The following WFDC9 variants were observed in gnomAD, a reference collection of about 807,000 sequenced individuals.
The protein encoded by WFDC9 is protein WFDC9.
In WFDC9, 9 loss-of-function variants were observed where a neutral mutation model predicts 9.5. The ratio of observed to expected loss-of-function variants is 0.95; its 90% confidence interval spans 0.57 to 1.65. The LOEUF (loss-of-function observed/expected upper bound fraction) is 1.65, where lower values mean the gene tolerates loss of function less well. Among genes scored for constraint, WFDC9 ranks in the 40% most tolerant of loss-of-function variants. The pLI, the probability that WFDC9 is intolerant of heterozygous loss-of-function variation, is 0.00. For missense variants in WFDC9, 87 were observed against 106.7 expected, an observed-to-expected ratio of 0.82 and a Z score of 0.81; for synonymous variants, 33 against 32.3, an observed-to-expected ratio of 1.02 and a Z score of -0.07.
At chr20:45,611,766 G>A (rs934641395) in intron 2 of WFDC9, among the ~76,000 whole-genome samples, 8 of 152,110 alleles carry the variant, frequency 5.3e-5, no homozygotes, top group Admixed American at 2.0e-4. Context: ...CCAGGCTTTG[G>A]ATAATTGCCG....
At chr20:45,624,205 AT>A (rs1322133972) in intron 1 of WFDC9, among the ~76,000 whole-genome samples, 3 of 151,996 alleles carry the variant, frequency 2.0e-5, no homozygotes, top group East Asian at 1.9e-4. Flanking sequence ...AAACAAAAAA[AT>A]CTCTCCCTAT....
intron 1 of WFDC9, among the ~76,000 whole-genome samples, chr20:45,617,842 A>T (rs1455198508): frequency 6.6e-6 from 1 of 152,214 alleles, no homozygotes; most frequent in Non-Finnish European, 1.5e-5. Flanking sequence ...TTTGATTAAC[A>T]CATATTTTGT....
At chr20:45,608,909 A>G (rs1981792376) in intron 3 of WFDC9, 99 bp from the exon 4 acceptor site, 3 of 1,314,758 alleles carry the variant, frequency 2.3e-6, no homozygotes, top group East Asian at 2.6e-5. Flanking sequence ...GCTCCAAGCC[A>G]CAAAGTATTT....
chr20:45,622,893 T>C (rs554149873), intron 1 of WFDC9, among the ~76,000 whole-genome samples: 1 of 152,330 alleles, frequency 6.6e-6, no homozygotes, highest in African/African-American at 2.4e-5. Context: ...AAAGGAAGCA[T>C]AGGTTTGTTA....
chr20:45,609,207 C>A (rs1394262851), intron 3 of WFDC9, among the ~76,000 whole-genome samples: 1 of 143,408 alleles, frequency 7.0e-6, no homozygotes, highest in Non-Finnish European at 1.5e-5. Context: ...TTCCCCTTCT[C>A]TTTTTTTTTT....
At chr20:45,610,288 G>T in intron 2 of WFDC9, 49 bp from the exon 3 acceptor site, 1 of 903,416 alleles carries the variant, frequency 1.1e-6, no homozygotes, top group South Asian at 1.6e-5. Flanking sequence ...AGCAACAGGG[G>T]TAAAGTGCTT....
chr20:45,620,029 A>G (rs189893426), intron 1 of WFDC9, among the ~76,000 whole-genome samples: 6 of 152,246 alleles, frequency 3.9e-5, no homozygotes, highest in African/African-American at 1.2e-4. Flanking sequence ...CTGTCTCAAC[A>G]AAAAAGAAAA....
At chr20:45,630,991 T>A (rs760603577) in intron 1 of WFDC9, 1 of 1,603,340 alleles carries the variant, frequency 6.2e-7, no homozygotes, top group Non-Finnish European at 8.5e-7. Context: ...CTACCTACTG[T>A]GGGAATGTTT....
At chr20:45,624,155 G>T (rs971957081) in intron 1 of WFDC9, among the ~76,000 whole-genome samples, 1 of 152,060 alleles carries the variant, frequency 6.6e-6, no homozygotes, top group South Asian at 2.1e-4. Context: ...TCGTCCCACC[G>T]CACTCCAGCC....
chr20:45,617,597 C>T (rs949750420), intron 1 of WFDC9, among the ~76,000 whole-genome samples: 37 of 152,194 alleles, frequency 2.4e-4, no homozygotes, highest in Admixed American at 2.0e-3. Flanking sequence ...CCGCTCCAAG[C>T]GATCCTCCTT....
At chr20:45,610,027 G>T in intron 3 of WFDC9, 64 bp downstream of exon 3, 1 of 1,336,522 alleles carries the variant, frequency 7.5e-7, no homozygotes, top group South Asian at 1.2e-5. Flanking sequence ...TGCAGGCCCT[G>T]GATCAGCTAC....
intron 1 of WFDC9, among the ~76,000 whole-genome samples, chr20:45,615,025 C>T (rs1353295563): frequency 6.6e-6 from 1 of 152,176 alleles, no homozygotes; most frequent in South Asian, 2.1e-4. Context: ...AAGTTGGGAA[C>T]AGTCTACATT....
At chr20:45,621,293 T>G (rs1982093660) in intron 1 of WFDC9, among the ~76,000 whole-genome samples, 1 of 152,250 alleles carries the variant, frequency 6.6e-6, no homozygotes, top group Non-Finnish European at 1.5e-5. Context: ...CTAGACAGTT[T>G]TTAGTTCATG....
intron 1 of WFDC9, among the ~76,000 whole-genome samples, chr20:45,625,457 G>A (rs1982196506): frequency 6.6e-6 from 1 of 152,140 alleles, no homozygotes; most frequent in Non-Finnish European, 1.5e-5. Context: ...CAGCTTTTTA[G>A]TTTGATATAA....
At chr20:45,608,970 A>G (rs1981794235) in intron 3 of WFDC9, among the ~76,000 whole-genome samples, 160 bp from the exon 4 acceptor site, 1 of 152,156 alleles carries the variant, frequency 6.6e-6, no homozygotes, top group Non-Finnish European at 1.5e-5. Flanking sequence ...GTGTCTTGTC[A>G]CAAGACCATC....
chr20:45,617,996 A>G (rs1441813522), intron 1 of WFDC9, among the ~76,000 whole-genome samples: 2 of 152,262 alleles, frequency 1.3e-5, no homozygotes, highest in Non-Finnish European at 2.9e-5. Context: ...TTGAGGATGT[A>G]TAATGAACCC....
chr20:45,611,533 G>A (rs904100686), intron 2 of WFDC9, among the ~76,000 whole-genome samples: 6 of 151,988 alleles, frequency 3.9e-5, no homozygotes, highest in African/African-American at 1.5e-4. Flanking sequence ...AAATATACAG[G>A]GGAGGCAAAA....
chr20:45,624,356 T>A (rs1032968888), intron 1 of WFDC9, among the ~76,000 whole-genome samples: 70 of 152,358 alleles, frequency 4.6e-4, no homozygotes, highest in African/African-American at 1.6e-3. Flanking sequence ...CAGAACATAA[T>A]GTCCTCCAGT....
intron 1 of WFDC9, among the ~76,000 whole-genome samples, chr20:45,616,585 A>T (rs1443108621): frequency 6.6e-6 from 1 of 152,216 alleles, no homozygotes; most frequent in Admixed American, 6.5e-5. Context: ...GCCCAGATCC[A>T]TCAGGGAAAT....
Sources: gnomAD v4.1 joint callset for allele counts (sites outside exome capture counted in the v4.1 genomes callset) on GRCh38, gnomAD v4.1.1 for gene constraint, MANE v1.5 for transcripts, NCBI Gene and HGNC (gene_info 2026-07-23, HGNC 2026-07-21) for gene names.